GABPB1: variants seen among roughly 807,000 people sequenced by gnomAD.
GABPB1 encodes GA-binding protein subunit beta-1.
Under a neutral mutation model 45.9 loss-of-function variants are expected in GABPB1, and 15 were observed. The observed-to-expected ratio is 0.33, with a 90% CI of 0.22 to 0.50. The LOEUF (loss-of-function observed/expected upper bound fraction) is 0.50. Ranked by LOEUF, GABPB1 falls within the 20% of genes least tolerant of loss-of-function variation. The pLI is 0.98. For synonymous variants in GABPB1, 143 were observed against 154.4 expected (o/e 0.93, Z 0.55); for missense variants, 252 against 457.5 (o/e 0.55, Z 4.10).
At chr15:50,305,292 A>C (rs565772773) in intron 2 of GABPB1, among the ~76,000 whole-genome samples, 1 of 151,460 alleles carries the variant, frequency 6.6e-6, no homozygotes, top group African/African-American at 2.4e-5. Context: ...CTATCTATCT[A>C]TCTATAGATA....
At chr15:50,315,011 C>G (rs1451434947) in intron 1 of GABPB1, among the ~76,000 whole-genome samples, 1 of 152,156 alleles carries the variant, frequency 6.6e-6, no homozygotes, top group African/African-American at 2.4e-5. Flanking sequence ...GTAGTGTGCT[C>G]AAGTATTTAC....
At chr15:50,301,505 G>C (rs1035417594) in intron 4 of GABPB1, 137 bp from the exon 5 acceptor site, 5 of 798,150 alleles carry the variant, frequency 6.3e-6, no homozygotes, top group Non-Finnish European at 1.0e-5. Flanking sequence ...ATTTGTCTAA[G>C]GTCCACTGAC....
At chr15:50,324,281 G>A (rs888225000) in intron 1 of GABPB1, among the ~76,000 whole-genome samples, 1 of 152,132 alleles carries the variant, frequency 6.6e-6, no homozygotes, top group Non-Finnish European at 1.5e-5. Flanking sequence ...ATAAATCTGA[G>A]TTACTATTGT....
chr15:50,293,535 A>C (rs1288183507), intron 6 of GABPB1, among the ~76,000 whole-genome samples: 1 of 152,250 alleles, frequency 6.6e-6, no homozygotes, highest in Non-Finnish European at 1.5e-5. Flanking sequence ...GACATAAAAT[A>C]GTAATATATT....
intron 7 of GABPB1, among the ~76,000 whole-genome samples, chr15:50,288,832 T>C (rs1450729722): frequency 6.6e-6 from 1 of 152,112 alleles, no homozygotes; most frequent in Non-Finnish European, 1.5e-5. Flanking sequence ...ACCTTTTTTT[T>C]TTTCTTTTTC....
chr15:50,278,830 A>C, intron 8 of GABPB1, 46 bp from the exon 9 acceptor site: 1 of 1,482,926 alleles, frequency 6.7e-7, no homozygotes, highest in South Asian at 1.2e-5. Flanking sequence ...GCAAAAATAC[A>C]TTATTAATAC....
chr15:50,307,042 T>C (rs78695230), intron 2 of GABPB1, among the ~76,000 whole-genome samples: 3,058 of 152,236 alleles, frequency 0.02, 100 homozygotes, highest in African/African-American at 0.071. Context: ...TTGTATATGT[T>C]TCAGGCACAT....
At chr15:50,324,822 C>T (rs538619801) in intron 1 of GABPB1, among the ~76,000 whole-genome samples, 37 of 152,132 alleles carry the variant, frequency 2.4e-4, no homozygotes, top group Non-Finnish European at 4.3e-4. Context: ...GCTAGGATTA[C>T]AGGTGTGAGC....
intron 2 of GABPB1, among the ~76,000 whole-genome samples, chr15:50,307,685 G>A (rs2046994920): frequency 7.0e-6 from 1 of 143,602 alleles, no homozygotes; most frequent in Non-Finnish European, 1.5e-5. Context: ...CCAGGCAACA[G>A]TGTGAGACTC....
chr15:50,343,409 G>A (rs192974871), intron 1 of GABPB1, among the ~76,000 whole-genome samples: 1 of 152,298 alleles, frequency 6.6e-6, no homozygotes, highest in Non-Finnish European at 1.5e-5. Context: ...TTAGGGTCTA[G>A]CACAAGTTGG....
chr15:50,298,609 T>C (rs930320533), intron 6 of GABPB1, among the ~76,000 whole-genome samples: 1 of 152,098 alleles, frequency 6.6e-6, no homozygotes, highest in South Asian at 2.1e-4. Flanking sequence ...AAGGCTTGGA[T>C]TCAAACTTAG....
intron 1 of GABPB1, among the ~76,000 whole-genome samples, chr15:50,311,435 G>A (rs2047128328): frequency 1.3e-5 from 2 of 152,130 alleles, no homozygotes; most frequent in South Asian, 2.1e-4. Context: ...AAATTATAAA[G>A]AGAGTAATGG....
chr15:50,331,863 T>TTTTTTTG (rs1318378274), intron 1 of GABPB1, among the ~76,000 whole-genome samples: 2 of 147,366 alleles, frequency 1.4e-5, no homozygotes, highest in Non-Finnish European at 3.0e-5. Context: ...GTTCAGTTTT[T>TTTTTTTG]TTTTTTGTTT....
chr15:50,282,622 GAAAGATAGCCATA>G (rs1473266881), intron 8 of GABPB1, among the ~76,000 whole-genome samples: 2 of 144,356 alleles, frequency 1.4e-5, no homozygotes, highest in Non-Finnish European at 3.0e-5. Flanking sequence ...GGCAGATCAG[GAAAGATAGCCATA>G]AAAAAAAAAG....
At chr15:50,292,105 C>T (rs1001163209) in intron 6 of GABPB1, among the ~76,000 whole-genome samples, 4 of 151,382 alleles carry the variant, frequency 2.6e-5, no homozygotes, top group African/African-American at 4.8e-5. Context: ...GAGGCCAAGG[C>T]GGGCGGGTCA....
intron 1 of GABPB1, among the ~76,000 whole-genome samples, chr15:50,315,808 C>T (rs761760179): frequency 2.6e-5 from 4 of 152,196 alleles, no homozygotes; most frequent in Non-Finnish European, 5.9e-5. Flanking sequence ...GGTGCAGTGA[C>T]TCAAGCCTGT....
At chr15:50,281,505 C>A (rs902643626) in intron 8 of GABPB1, among the ~76,000 whole-genome samples, 3 of 152,170 alleles carry the variant, frequency 2.0e-5, no homozygotes, top group African/African-American at 7.2e-5. Flanking sequence ...GCCACTGCGC[C>A]CGGCCTAAAT....
chr15:50,277,839 A>G lies in GABPB1; in HGVS notation c.*793T>C, dbSNP rs12923. The G allele has an allele frequency of 0.16, 24,959 of 152,584 alleles. 2,210 individuals are homozygous for G. The highest frequency in any genetic ancestry group is 0.2 in the Middle Eastern group (60 of 294). 9.5% of individuals were successfully genotyped at this position (152,584 alleles called of 1,614,324 possible). On this transcript the variant is annotated 3_prime_UTR_variant, in exon 9 of 9. Coordinates refer to ENST00000380877, the MANE Select transcript of GABPB1 (RefSeq NM_016654.5). ...AGATTTTGCAGAATTGGCAAATTCAAGTTATCTTGTAGGCTGCTCCTTCCG... is the reference window on the plus strand; with the variant it reads ...AGATTTTGCAGAATTGGCAAATTCAGGTTATCTTGTAGGCTGCTCCTTCCG...
Position 50,300,889 on chromosome 15 carries a change from T to C in GABPB1, c.597A>G (p.Val199=). 6.3e-7 allele frequency: 1 copy of C among 1,598,108 alleles called. No individual in the cohort carries two copies. Among genetic ancestry groups the C allele is most frequent in the Non-Finnish European group, 8.6e-7 (1 of 1,165,858 alleles). The change falls in exon 6 of 9, where the codon GTA becomes GTG. Residue 199 remains valine (V), a synonymous_variant. Transcript: ENST00000380877. ...GVVNLTDETG[V]SAVQFGNSST... ...AAGAGTTTCCAAACTGAACAGCAGA[T>C]ACACCCGTTTCATCTGTAAGAAAAA...
Sources: gnomAD v4.1 joint callset for allele counts (sites outside exome capture counted in the v4.1 genomes callset) on GRCh38, gnomAD v4.1.1 for gene constraint, MANE v1.5 for transcripts, NCBI Gene and HGNC (gene_info 2026-07-23, HGNC 2026-07-21) for gene names.